EXOC6B: variants seen among roughly 807,000 people sequenced by gnomAD.
EXOC6B encodes SEC15 homolog B.
EXOC6B carries 54 observed loss-of-function variants against 113.5 expected under a neutral mutation model. The observed-to-expected ratio is 0.48, with a 90% CI of 0.38 to 0.60. The LOEUF (loss-of-function observed/expected upper bound fraction) is 0.60. EXOC6B is among the 20% of genes least tolerant of loss of function. EXOC6B has a pLI of 0.00. For missense variants in EXOC6B, 797 were observed against 977.5 expected, an observed-to-expected ratio of 0.82 and a Z score of 2.46; for synonymous variants, 357 against 339.0, an observed-to-expected ratio of 1.05 and a Z score of -0.58.
At chr2:72,450,731 C>T (rs1276920173) in intron 18 of EXOC6B, among the ~76,000 whole-genome samples, 1 of 152,082 alleles carries the variant, frequency 6.6e-6, no homozygotes, top group Non-Finnish European at 1.5e-5. Flanking sequence ...AGTGATCTTC[C>T]CTCAATAGCA....
At chr2:72,259,744 T>C (rs1206958876) in intron 20 of EXOC6B, among the ~76,000 whole-genome samples, 1 of 152,130 alleles carries the variant, frequency 6.6e-6, no homozygotes, top group Admixed American at 6.6e-5. Flanking sequence ...ATGCTGGATT[T>C]TTTGCTTTGA....
chr2:72,701,598 T>A (rs989055054), intron 6 of EXOC6B, among the ~76,000 whole-genome samples: 10 of 152,130 alleles, frequency 6.6e-5, no homozygotes, highest in African/African-American at 2.2e-4. Flanking sequence ...TGAAATCAAT[T>A]CAGATTCATG....
intron 8 of EXOC6B, among the ~76,000 whole-genome samples, chr2:72,532,029 T>C (rs1455434337): frequency 1.3e-5 from 2 of 152,134 alleles, no homozygotes; most frequent in African/African-American, 4.8e-5. Context: ...CATAGCAGCT[T>C]GATTTGCTAT....
At chr2:72,586,768 A>T (rs1189769668) in intron 6 of EXOC6B, among the ~76,000 whole-genome samples, 4 of 150,770 alleles carry the variant, frequency 2.7e-5, no homozygotes, top group South Asian at 4.2e-4. Flanking sequence ...TAAAAAAATA[A>T]AAAAAAAAGA....
chr2:72,691,723 C>A (rs548623938), intron 6 of EXOC6B, among the ~76,000 whole-genome samples: 1 of 150,818 alleles, frequency 6.6e-6, no homozygotes, highest in Non-Finnish European at 1.5e-5. Context: ...CCCTTGTCGC[C>A]CAGGCTGGAG....
At chr2:72,462,073 A>T (rs967168926) in intron 18 of EXOC6B, 5 of 152,148 alleles carry the variant, frequency 3.3e-5, no homozygotes, top group Non-Finnish European at 7.4e-5. Context: ...ATTTGAAAAA[A>T]CTTTCTACAG....
intron 18 of EXOC6B, among the ~76,000 whole-genome samples, chr2:72,403,064 A>T (rs1351595480): frequency 6.6e-6 from 1 of 152,244 alleles, no homozygotes; most frequent in East Asian, 1.9e-4. Flanking sequence ...TTCAAAATTT[A>T]TACAGGCTTG....
intron 19 of EXOC6B, among the ~76,000 whole-genome samples, chr2:72,371,775 A>G (rs186861084): frequency 1.3e-5 from 2 of 152,300 alleles, no homozygotes; most frequent in Admixed American, 6.5e-5. Flanking sequence ...GTGAAACACA[A>G]CTAGGATGCC....
Position 72,621,218 on chromosome 2 carries a change from A to G in EXOC6B, c.670-45550T>C, listed in dbSNP as rs1671723802. The stretch of plus-strand genomic sequence containing the variant: ...CACATGCACCCATTATGTTCATCCC[A>G]GCACTATTCACAATAGTAAAGACAT... On this transcript the variant is annotated intron_variant, in intron 6 of 21. Transcript: ENST00000272427. Among the ~76,000 whole-genome samples the G allele has an allele frequency of 4.6e-5, 7 of 152,336 alleles. No individual in the cohort carries two copies. The South Asian group carries it at 1.4e-3, about 32-fold the overall frequency.
chr2:72,538,441 A>G (rs942275222), intron 8 of EXOC6B, among the ~76,000 whole-genome samples: 6 of 152,252 alleles, frequency 3.9e-5, no homozygotes, highest in African/African-American at 1.2e-4. Flanking sequence ...ATTTAATAAT[A>G]TATTTTATCT....
chr2:72,781,382 C>A (rs1486397951), intron 1 of EXOC6B, among the ~76,000 whole-genome samples: 1 of 152,144 alleles, frequency 6.6e-6, no homozygotes, highest in Non-Finnish European at 1.5e-5. Flanking sequence ...TGATATGAGT[C>A]CATTGTGGGT....
chr2:72,558,930 T>C (rs1233920479), intron 8 of EXOC6B, among the ~76,000 whole-genome samples: 1 of 152,192 alleles, frequency 6.6e-6, no homozygotes, highest in African/African-American at 2.4e-5. Context: ...TTTGTCTTGG[T>C]TGCTAGAGTT....
chr2:72,631,426 GTATATA>G (rs376088377), intron 6 of EXOC6B, among the ~76,000 whole-genome samples: 460 of 28,082 alleles, frequency 0.016, 11 homozygotes, highest in African/African-American at 0.026. Context: ...GTGTGTGTGT[GTATATA>G]TATATATATA....
At chr2:72,536,118 C>T (rs1702275252) in intron 8 of EXOC6B, among the ~76,000 whole-genome samples, 1 of 152,150 alleles carries the variant, frequency 6.6e-6, no homozygotes, top group Non-Finnish European at 1.5e-5. Context: ...AGATACATTG[C>T]TGATGCATGC....
At chr2:72,419,071 G>T (rs1255694505) in intron 18 of EXOC6B, among the ~76,000 whole-genome samples, 1 of 151,968 alleles carries the variant, frequency 6.6e-6, no homozygotes, top group Non-Finnish European at 1.5e-5. Flanking sequence ...CTTAACTTAA[G>T]AAATAAACAA....
chr2:72,296,841 A>T (rs1686167473), intron 20 of EXOC6B, among the ~76,000 whole-genome samples: 1 of 152,238 alleles, frequency 6.6e-6, no homozygotes, highest in Non-Finnish European at 1.5e-5. Flanking sequence ...AAGGAAGATT[A>T]GTTACAGTCA....
At chr2:72,233,066 C>T (rs1213403654) in intron 20 of EXOC6B, among the ~76,000 whole-genome samples, 1 of 148,572 alleles carries the variant, frequency 6.7e-6, no homozygotes, top group Admixed American at 6.7e-5. Flanking sequence ...AGTGAAACTC[C>T]GTCCCAAAAA....
intron 18 of EXOC6B, among the ~76,000 whole-genome samples, chr2:72,380,545 C>T (rs1244372299): frequency 6.6e-6 from 1 of 151,832 alleles, no homozygotes; most frequent in African/African-American, 2.4e-5. Flanking sequence ...AAGGCTGAGG[C>T]AGGAGAATGG....
chr2:72,404,308 G>T (rs891083518), intron 18 of EXOC6B, among the ~76,000 whole-genome samples: 1 of 152,216 alleles, frequency 6.6e-6, no homozygotes, highest in African/African-American at 2.4e-5. Flanking sequence ...ACAAAAGGCA[G>T]CAGAAATCTC....
Sources: gnomAD v4.1 joint callset for allele counts (sites outside exome capture counted in the v4.1 genomes callset) on GRCh38, gnomAD v4.1.1 for gene constraint, MANE v1.5 for transcripts, NCBI Gene and HGNC (gene_info 2026-07-23, HGNC 2026-07-21) for gene names.